Variants in KIF6 observed in about 807,000 individuals in gnomAD.
KIF6 encodes the protein kinesin family member 6.
A neutral mutation model predicts 112.7 loss-of-function variants in KIF6; 106 were observed. The observed-to-expected ratio is 0.94, with a 90% CI of 0.80 to 1.11. The LOEUF (loss-of-function observed/expected upper bound fraction) is 1.11. Among genes scored for constraint, KIF6 ranks in the 50% least tolerant of loss-of-function variants. KIF6 has a pLI of 0.00. For missense variants in KIF6, 929 were observed against 964.0 expected (o/e 0.96, Z 0.48); for synonymous variants, 339 against 339.9 (o/e 1.00, Z 0.03).
intron 3 of KIF6, among the ~76,000 whole-genome samples, chr6:39,646,822 C>T (rs891271261): frequency 3.3e-5 from 5 of 152,062 alleles, no homozygotes; most frequent in South Asian, 2.1e-4. Flanking sequence ...TACACAGTTC[C>T]GCCTTATCCA....
rs1441987521 is a variant in KIF6, at chr6:39,720,740, A to T, written c.138T>A (p.Asp46Glu). The T allele has an allele frequency of 6.2e-7, 1 of 1,609,142 alleles. No homozygotes were observed. The highest frequency in any genetic ancestry group is 1.7e-5 in the Admixed American group (1 of 59,996). Residue 46 changes from aspartate to glutamate, a missense_variant, in exon 2 of 23, where the codon GAT becomes GAA. This residue lies in a region of KIF6 where 688 missense variants were observed against 662.7 expected (regional missense o/e 1.04). Transcript: ENST00000287152. Reference protein sequence around the residue: ...LEIILPRDLADGFVNNKRESY... With the variant: ...LEIILPRDLAEGFVNNKRESY... ...TTTCTCGCTTATTATTCACAAACCC[A>T]TCTGCCAAATCACGTGGTAAGATGA... is the stretch of plus-strand genomic sequence containing the variant.
chr6:39,450,779 T>C (rs1209434592), intron 13 of KIF6, among the ~76,000 whole-genome samples: 1 of 152,210 alleles, frequency 6.6e-6, no homozygotes, highest in African/African-American at 2.4e-5. Context: ...CACTCCAGCC[T>C]GGGTGACAAA....
chr6:39,719,334 A>T (rs1790068710), intron 2 of KIF6, among the ~76,000 whole-genome samples: 1 of 109,990 alleles, frequency 9.1e-6, no homozygotes, highest in African/African-American at 3.2e-5. Flanking sequence ...AAAGAAAAGA[A>T]TTTAAAAAGA....
chr6:39,630,553 A>G (rs553692858), intron 5 of KIF6, among the ~76,000 whole-genome samples: 1 of 152,172 alleles, frequency 6.6e-6, no homozygotes, highest in South Asian at 2.1e-4. Context: ...ACCTTGCCAT[A>G]ATCACTTATG....
In KIF6 at chr6:39,342,618, TTTA is replaced by T. The variant is rs1562107965; in HGVS notation, c.2428+1088_2428+1090del. ...AGTTTTTTATTTTTTTTTATTTTTT[TTTA>T]TTTTTTTTTATTTTTAGACAAGGAA... On this transcript the variant is annotated intron_variant, in intron 22 of 22. Transcript: ENST00000287152. The surrounding 1 kb of genome is among the most constrained non-coding windows in gnomAD (Gnocchi z 4.7). Among the ~76,000 whole-genome samples, 25 of 120,946 alleles carry T rather than the reference TTTA, an allele frequency of 2.1e-4. 2 individuals are homozygous for T. Among genetic ancestry groups the T allele is most frequent in the African/African-American group, 7.3e-4 (19 of 25,942 alleles). 79.3% of individuals were successfully genotyped at this position (120,946 alleles called of 152,430 possible). A position where few individuals can be genotyped will look rare whatever the true frequency, so the allele number is the denominator to read the frequency against.
chr6:39,578,826 A>C (rs886742061), intron 9 of KIF6, among the ~76,000 whole-genome samples: 2 of 152,036 alleles, frequency 1.3e-5, no homozygotes, highest in Non-Finnish European at 2.9e-5. Flanking sequence ...GCATGCCCTA[A>C]ACTTTATGTA....
At chr6:39,453,270 C>T (rs753048492) in intron 13 of KIF6, among the ~76,000 whole-genome samples, 10 of 152,114 alleles carry the variant, frequency 6.6e-5, no homozygotes, top group Non-Finnish European at 7.4e-5. Context: ...TTTTATTCTC[C>T]GATGTCTGGG....
At chr6:39,595,651 T>A (rs1260486661) in intron 7 of KIF6, among the ~76,000 whole-genome samples, 1 of 152,170 alleles carries the variant, frequency 6.6e-6, no homozygotes, top group East Asian at 1.9e-4. Flanking sequence ...TGATACATGC[T>A]ACAATATGGA....
chr6:39,620,694 G>A (rs1052888353), intron 5 of KIF6, among the ~76,000 whole-genome samples: 2 of 152,126 alleles, frequency 1.3e-5, no homozygotes, highest in Middle Eastern at 3.4e-3. Context: ...TTGCAGATTT[G>A]TCATAAAATT....
chr6:39,639,737 C>T lies in KIF6; in HGVS notation c.272G>A (p.Gly91Asp), dbSNP rs763836779. 1 of 1,611,682 alleles carries T rather than the reference C, an allele frequency of 6.2e-7. No homozygotes were observed. ...TGTTTGCCCATATGCAAAGATGGTA[C>T]CATTGTAACCTGCCAGGACACTGCA... ...VAGSVLAGYNGTIFAYGQTGS... is the reference protein window; with the variant it reads ...VAGSVLAGYNDTIFAYGQTGS... Residue 91 changes from glycine to aspartate, a missense_variant, in exon 4 of 23, where the codon GGT becomes GAT. Transcript: ENST00000287152.
chr6:39,515,099 T>C (rs912985501), intron 13 of KIF6, among the ~76,000 whole-genome samples: 1 of 152,340 alleles, frequency 6.6e-6, no homozygotes, highest in South Asian at 2.1e-4. Flanking sequence ...ATTAAATTCA[T>C]GTGGATCAGA....
chr6:39,411,829 C>T (rs1448181790), intron 15 of KIF6, among the ~76,000 whole-genome samples: 1 of 152,230 alleles, frequency 6.6e-6, no homozygotes. Flanking sequence ...GCTCACTTAT[C>T]AGCCTTTCAA....
At chr6:39,346,663 T>C (rs909783072) in intron 19 of KIF6, 137 bp from the exon 20 acceptor site, 30 of 548,636 alleles carry the variant, frequency 5.5e-5, no homozygotes, top group African/African-American at 5.0e-4. Context: ...TTCTTTTTTT[T>C]TGAGATGGAG....
At chr6:39,705,183 G>T (rs1328922734) in intron 3 of KIF6, among the ~76,000 whole-genome samples, 1 of 152,184 alleles carries the variant, frequency 6.6e-6, no homozygotes, top group East Asian at 1.9e-4. Context: ...AAACCTTAGT[G>T]TGCATCAGAA....
chr6:39,396,252 T>C (rs1887714), intron 15 of KIF6, among the ~76,000 whole-genome samples: 45,061 of 152,148 alleles, frequency 0.3, 9,460 homozygotes, highest in African/African-American at 0.59. Flanking sequence ...TTGTTAGATG[T>C]TGCATATGCA....
intron 16 of KIF6, among the ~76,000 whole-genome samples, chr6:39,380,224 T>C (rs2150304236): frequency 6.6e-6 from 1 of 152,304 alleles, no homozygotes; most frequent in South Asian, 2.1e-4. Flanking sequence ...TTTCCTGAAA[T>C]AGTGTGTGGG....
At chr6:39,529,519 G>T (rs766416826) in intron 13 of KIF6, among the ~76,000 whole-genome samples, 26 of 152,150 alleles carry the variant, frequency 1.7e-4, no homozygotes, top group Non-Finnish European at 4.4e-5. Context: ...AGGCGCAGTG[G>T]CTCATGCCTG....
intron 10 of KIF6, among the ~76,000 whole-genome samples, chr6:39,560,484 T>TA (rs1779953079): frequency 6.6e-6 from 1 of 152,198 alleles, no homozygotes; most frequent in East Asian, 1.9e-4. Flanking sequence ...AAGCCACACT[T>TA]ACGGCTTTGC....
At chr6:39,435,404 AG>A (rs2150387770) in intron 13 of KIF6, among the ~76,000 whole-genome samples, 1 of 152,304 alleles carries the variant, frequency 6.6e-6, no homozygotes, top group South Asian at 2.1e-4. Context: ...CAATAGCTTT[AG>A]AGGTACAAGT....
Sources: gnomAD v4.1 joint callset for allele counts (sites outside exome capture counted in the v4.1 genomes callset) on GRCh38, gnomAD v4.1.1 for gene constraint, gnomAD v4.1.1 regional missense constraint, Gnocchi (gnomAD v3.1) non-coding constraint, MANE v1.5 for transcripts, NCBI Gene and HGNC (gene_info 2026-07-23, HGNC 2026-07-21) for gene names.